ST6GALNAC3: variants seen among roughly 807,000 people sequenced by gnomAD.
The protein encoded by ST6GALNAC3 is alpha-N-acetylgalactosaminide alpha-2,6-sialyltransferase 3.
In ST6GALNAC3, 25 loss-of-function variants were observed where a neutral mutation model predicts 32.7. The ratio of observed to expected loss-of-function variants is 0.76; its 90% CI spans 0.56 to 1.07. ST6GALNAC3 has a LOEUF of 1.07. Among genes scored for constraint, ST6GALNAC3 ranks in the 50% least tolerant of loss-of-function variants. The pLI is 0.00. For missense variants in ST6GALNAC3, 355 were observed against 382.4 expected (o/e 0.93, Z 0.60); for synonymous variants, 129 against 133.1 (o/e 0.97, Z 0.21).
chr1:76,479,844 C>T (rs1282017419), intron 3 of ST6GALNAC3, among the ~76,000 whole-genome samples: 1 of 151,778 alleles, frequency 6.6e-6, no homozygotes, highest in Non-Finnish European at 1.5e-5. Flanking sequence ...TACAAATTTA[C>T]ATTTAAAAAA....
chr1:76,583,064 A>G (rs1291957446), intron 3 of ST6GALNAC3, among the ~76,000 whole-genome samples: 1 of 152,182 alleles, frequency 6.6e-6, no homozygotes. Context: ...TTTTTCAGAT[A>G]CTCAGAGTGC....
intron 1 of ST6GALNAC3, among the ~76,000 whole-genome samples, chr1:76,226,533 A>C (rs1237649499): frequency 1.3e-5 from 2 of 152,202 alleles, no homozygotes; most frequent in Non-Finnish European, 2.9e-5. Flanking sequence ...GAGAGTGGGA[A>C]ATTTATAAAG....
At chr1:76,568,181 A>G (rs1194925143) in intron 3 of ST6GALNAC3, among the ~76,000 whole-genome samples, 2 of 152,170 alleles carry the variant, frequency 1.3e-5, no homozygotes, top group African/African-American at 4.8e-5. Flanking sequence ...GCTTTGAAGC[A>G]GGTACTATTA....
At chr1:76,508,265 C>A (rs1661604391) in intron 3 of ST6GALNAC3, among the ~76,000 whole-genome samples, 1 of 152,142 alleles carries the variant, frequency 6.6e-6, no homozygotes, top group African/African-American at 2.4e-5. Flanking sequence ...CTGTGAGAAT[C>A]TAATGCTGCT....
intron 3 of ST6GALNAC3, among the ~76,000 whole-genome samples, chr1:76,605,989 A>C (rs1647519475): frequency 6.6e-6 from 1 of 152,126 alleles, no homozygotes; most frequent in Non-Finnish European, 1.5e-5. Context: ...CATTAAGAGA[A>C]ATGCAAATTA....
intron 1 of ST6GALNAC3, among the ~76,000 whole-genome samples, chr1:76,111,976 G>A (rs1647988886): frequency 6.6e-6 from 1 of 151,918 alleles, no homozygotes; most frequent in South Asian, 2.1e-4. Context: ...ACGGGGTGGT[G>A]GCCGGGCAGA....
Position 76,319,530 on chromosome 1 carries a change from A to G in ST6GALNAC3, c.213+5531A>G, listed in dbSNP as rs372775680. Among the ~76,000 whole-genome samples, 21 of 152,228 alleles carry G rather than the reference A, an allele frequency of 1.4e-4. No homozygotes were observed. The East Asian group carries it at 3.9e-3, about 28-fold the overall frequency. On this transcript the variant is annotated intron_variant, in intron 2 of 4. Transcript: ENST00000328299. ...GACTTTCTTGGTGATAAAAGCACAC[A>G]CTCCACACATTTAAATAAATGTACA... is the stretch of plus-strand genomic sequence containing the variant.
At chr1:76,236,086 T>C (rs1366775548) in intron 1 of ST6GALNAC3, among the ~76,000 whole-genome samples, 1 of 151,816 alleles carries the variant, frequency 6.6e-6, no homozygotes, top group Non-Finnish European at 1.5e-5. Flanking sequence ...AGCGACTCTC[T>C]TGCCTCAGCC....
chr1:76,309,804 C>G (rs1273720148), intron 1 of ST6GALNAC3, among the ~76,000 whole-genome samples: 1 of 152,132 alleles, frequency 6.6e-6, no homozygotes, highest in Non-Finnish European at 1.5e-5. Flanking sequence ...GAGAGGGTGT[C>G]TGGCTTCTGC....
chr1:76,419,459 G>T (rs977569170), intron 3 of ST6GALNAC3, among the ~76,000 whole-genome samples: 3 of 151,970 alleles, frequency 2.0e-5, no homozygotes, highest in African/African-American at 4.8e-5. Context: ...GCTTTAAAGG[G>T]TTTATTTATT....
At chr1:76,095,126 A>G (rs1363505383) in intron 1 of ST6GALNAC3, among the ~76,000 whole-genome samples, 2 of 152,100 alleles carry the variant, frequency 1.3e-5, no homozygotes, top group Non-Finnish European at 2.9e-5. Flanking sequence ...TCTGTGATAT[A>G]TATACCCCTG....
At chr1:76,227,172 G>A (rs757184146) in intron 1 of ST6GALNAC3, among the ~76,000 whole-genome samples, 1 of 152,078 alleles carries the variant, frequency 6.6e-6, no homozygotes. Context: ...CTGTACCCTG[G>A]AATTCCCTTC....
chr1:76,284,044 G>T (rs1659644601), intron 1 of ST6GALNAC3, among the ~76,000 whole-genome samples: 1 of 136,436 alleles, frequency 7.3e-6, no homozygotes, highest in African/African-American at 2.8e-5. Flanking sequence ...CAATGGAAAT[G>T]CCGGAGAACT....
intron 1 of ST6GALNAC3, among the ~76,000 whole-genome samples, chr1:76,194,970 G>A (rs1324005374): frequency 6.6e-6 from 1 of 152,132 alleles, no homozygotes; most frequent in African/African-American, 2.4e-5. Flanking sequence ...TCAGTTCACT[G>A]AGTTAATACA....
intron 3 of ST6GALNAC3, among the ~76,000 whole-genome samples, chr1:76,622,062 T>C (rs1648681637): frequency 1.3e-5 from 2 of 152,046 alleles, no homozygotes; most frequent in African/African-American, 4.8e-5. Flanking sequence ...CAGGCTTTGA[T>C]AAATGATTAT....
At chr1:76,245,477 G>T (rs1657205475) in intron 1 of ST6GALNAC3, among the ~76,000 whole-genome samples, 1 of 151,994 alleles carries the variant, frequency 6.6e-6, no homozygotes. Context: ...GCTAGGCTTT[G>T]AATTCATTTG....
intron 1 of ST6GALNAC3, among the ~76,000 whole-genome samples, chr1:76,137,843 G>A (rs1417197680): frequency 1.3e-5 from 2 of 152,070 alleles, no homozygotes; most frequent in East Asian, 1.9e-4. Flanking sequence ...TCTTGGTTTC[G>A]GCCATTTGTG....
At chr1:76,177,419 T>G (rs1652918632) in intron 1 of ST6GALNAC3, among the ~76,000 whole-genome samples, 1 of 152,172 alleles carries the variant, frequency 6.6e-6, no homozygotes, top group African/African-American at 2.4e-5. Context: ...GAAAAATAAT[T>G]TGAACCCTAA....
intron 3 of ST6GALNAC3, among the ~76,000 whole-genome samples, chr1:76,487,757 C>T (rs186643708): frequency 2.6e-5 from 4 of 152,280 alleles, no homozygotes; most frequent in Admixed American, 6.5e-5. Context: ...ACCTTTGTTC[C>T]GTTGGCTGGC....
Sources: allele counts gnomAD v4.1 joint callset (sites outside exome capture counted in the v4.1 genomes callset), GRCh38; gene constraint gnomAD v4.1.1; transcripts MANE v1.5; gene names NCBI Gene and HGNC (gene_info 2026-07-23, HGNC 2026-07-21).